The following ADAMTSL3 variants were observed in gnomAD, a reference collection of about 807,000 sequenced individuals.
The protein encoded by ADAMTSL3 is ADAMTS-like protein 3.
A neutral mutation model predicts 201.7 loss-of-function variants in ADAMTSL3; 128 were observed. That is an observed-to-expected ratio of 0.63 (90% CI 0.55 to 0.73). The LOEUF (loss-of-function observed/expected upper bound fraction) is 0.73. Ranked by LOEUF, ADAMTSL3 falls within the 30% of genes least tolerant of loss-of-function variation. The probability of loss-of-function intolerance (pLI) is 0.00; values close to 1 mark genes in which losing one functional copy is unlikely to be tolerated. For synonymous variants in ADAMTSL3, 738 were observed against 748.4 expected, an observed-to-expected ratio of 0.99 and a Z score of 0.23; for missense variants, 1,990 against 2,119.6, an observed-to-expected ratio of 0.94 and a Z score of 1.20.
intron 3 of ADAMTSL3, among the ~76,000 whole-genome samples, chr15:83,707,233 A>G (rs2061865769): frequency 6.6e-6 from 1 of 152,108 alleles, no homozygotes; most frequent in African/African-American, 2.4e-5. Context: ...TGAAATGGAG[A>G]TTTGGATGGT....
chr15:83,780,756 A>T (rs959033554), intron 4 of ADAMTSL3, among the ~76,000 whole-genome samples: 1 of 152,232 alleles, frequency 6.6e-6, no homozygotes, highest in Non-Finnish European at 1.5e-5. Flanking sequence ...TAACTTCAGC[A>T]AAGTCTCAGG....
At chr15:83,969,801 G>A (rs560315877) in intron 19 of ADAMTSL3, among the ~76,000 whole-genome samples, 12 of 152,162 alleles carry the variant, frequency 7.9e-5, no homozygotes, top group Non-Finnish European at 1.2e-4. Context: ...AGAGATCTGC[G>A]GAAAAACATA....
At chr15:83,856,387 G>A (rs1435554726) in intron 7 of ADAMTSL3, among the ~76,000 whole-genome samples, 5 of 151,772 alleles carry the variant, frequency 3.3e-5, no homozygotes, top group Non-Finnish European at 5.9e-5. Flanking sequence ...ATGTTGCCCC[G>A]ACTGGTCTCG....
At chr15:83,743,031 G>C (rs1398607006) in intron 3 of ADAMTSL3, among the ~76,000 whole-genome samples, 1 of 151,974 alleles carries the variant, frequency 6.6e-6, no homozygotes, top group Non-Finnish European at 1.5e-5. Context: ...TGAATTTTCT[G>C]TTCTGTTATT....
chr15:83,692,511 C>T (rs956126112), intron 2 of ADAMTSL3, among the ~76,000 whole-genome samples: 5 of 151,740 alleles, frequency 3.3e-5, no homozygotes, highest in Non-Finnish European at 5.9e-5. Flanking sequence ...CCGTGAAACC[C>T]TGTCTCTACT....
chr15:83,763,177 C>G (rs942034243), intron 3 of ADAMTSL3, among the ~76,000 whole-genome samples: 1 of 152,220 alleles, frequency 6.6e-6, no homozygotes, highest in Non-Finnish European at 1.5e-5. Flanking sequence ...AGGCATGAGC[C>G]ACCACACCTG....
At chr15:83,916,736 A>G (rs2066039607) in intron 16 of ADAMTSL3, among the ~76,000 whole-genome samples, 2 of 152,012 alleles carry the variant, frequency 1.3e-5, no homozygotes, top group African/African-American at 2.4e-5. Flanking sequence ...TCTTGAGGCC[A>G]GGAGTTGGAG....
chr15:83,932,057 C>T (rs1204975559), intron 17 of ADAMTSL3, among the ~76,000 whole-genome samples: 1 of 152,090 alleles, frequency 6.6e-6, no homozygotes, highest in Non-Finnish European at 1.5e-5. Flanking sequence ...TTAAAAGCTA[C>T]CACTCATGAA....
rs1426182305 is a variant in ADAMTSL3, at chr15:84,036,862, G to A, written c.4844G>A (p.Arg1615Lys). 2 of 1,614,110 alleles carry A rather than the reference G, an allele frequency of 1.2e-6. No homozygotes were observed. Among genetic ancestry groups the A allele is most frequent in the East Asian group, 4.5e-5 (2 of 44,880 alleles). Residue 1615 changes from arginine (R) to lysine (K), a missense_variant, in exon 29 of 30, where the codon AGG becomes AAG. Coordinates refer to ENST00000286744, the MANE Select transcript of ADAMTSL3 (RefSeq NM_207517.3). ...AAGCCCTGTACAGCAGCCTGTGGCA[G>A]GGGTTTCCAGTCTCGGAAAGTCGAC... ...PWKPCTAACG[R>K]GFQSRKVDCI...
rs1018930518 is a variant in ADAMTSL3, at chr15:83,821,763, CTCCCAGACGG to C, written c.600+1717_600+1726del. On this transcript the variant is annotated intron_variant, in intron 6 of 29. Transcript: ENST00000286744. ...GTTCTCAATGAGCTGTTGGGTACACCTCCCAGACGGGGTGGTGGCCGGGCAGAGGGGCTCC... is the reference window on the plus strand; with the variant it reads ...GTTCTCAATGAGCTGTTGGGTACACCGGTGGTGGCCGGGCAGAGGGGCTCC... 1.3e-3 allele frequency among the ~76,000 whole-genome samples: 199 copies of C among 152,314 alleles called. 2 individuals carry two copies. The highest frequency in any genetic ancestry group is 4.6e-3 in the African/African-American group (193 of 41,574).
chr15:83,726,753 T>C (rs1034276821), intron 3 of ADAMTSL3, among the ~76,000 whole-genome samples: 1 of 152,120 alleles, frequency 6.6e-6, no homozygotes, highest in African/African-American at 2.4e-5. Context: ...TACTAGGTCA[T>C]GATGAATAAT....
intron 23 of ADAMTSL3, among the ~76,000 whole-genome samples, chr15:84,014,285 C>G (rs575992608): frequency 6.6e-6 from 1 of 152,306 alleles, no homozygotes; most frequent in East Asian, 1.9e-4. Context: ...ACAGAGCAAT[C>G]CTACTCCTTG....
intron 9 of ADAMTSL3, among the ~76,000 whole-genome samples, chr15:83,876,954 A>C (rs1226218708): frequency 6.6e-6 from 1 of 152,180 alleles, no homozygotes; most frequent in Non-Finnish European, 1.5e-5. Context: ...CACCACACCC[A>C]GCAAGTTTTC....
chr15:83,961,736 C>CTTTTT (rs1206272113), intron 19 of ADAMTSL3: 1 of 151,904 alleles, frequency 6.6e-6, no homozygotes, highest in Non-Finnish European at 1.5e-5. Context: ...AGCTGTAGGG[C>CTTTTT]CAAGATGAGA....
chr15:83,762,448 A>G (rs760257691), intron 3 of ADAMTSL3, among the ~76,000 whole-genome samples: 8 of 152,262 alleles, frequency 5.3e-5, no homozygotes, highest in Middle Eastern at 6.8e-3. Context: ...GTATTCTCTC[A>G]TGTTCTGGAG....
intron 3 of ADAMTSL3, among the ~76,000 whole-genome samples, chr15:83,706,081 G>A (rs945160733): frequency 6.6e-6 from 1 of 152,066 alleles, no homozygotes; most frequent in Non-Finnish European, 1.5e-5. Context: ...GATTTTGAGA[G>A]GGTCTATAAT....
rs897202092 is a variant in ADAMTSL3, at chr15:83,899,878, A to G, written c.1700+147A>G. On this transcript the variant is annotated intron_variant, in intron 15 of 29. Transcript: ENST00000286744. ...CTCTAGAGAGCTTGAGCTGGCTAGA[A>G]TTTTTCTTTGTTTCACAATTCAGCA... 7 of 1,135,154 alleles carry G rather than the reference A, an allele frequency of 6.2e-6. No individual in the cohort carries two copies. The East Asian group carries it at 2.0e-4, about 32-fold the overall frequency. The allele number at this position is 1,135,154 out of a possible 1,614,324, so 70.3% of individuals were successfully genotyped here. A position where few individuals can be genotyped will look rare whatever the true frequency, so the allele number is the denominator to read the frequency against.
At chr15:83,789,321 T>C (rs976296223) in intron 4 of ADAMTSL3, among the ~76,000 whole-genome samples, 3 of 152,198 alleles carry the variant, frequency 2.0e-5, no homozygotes, top group African/African-American at 7.2e-5. Context: ...CTGTCCCTGA[T>C]TCCCAGATGC....
At chr15:83,885,569 T>C (rs773157819) in intron 10 of ADAMTSL3, among the ~76,000 whole-genome samples, 2 of 152,126 alleles carry the variant, frequency 1.3e-5, no homozygotes, top group Non-Finnish European at 2.9e-5. Flanking sequence ...AGCAGAAAGA[T>C]GGAGTGACTT....
Sources: allele counts gnomAD v4.1 joint callset (sites outside exome capture counted in the v4.1 genomes callset), GRCh38; gene constraint gnomAD v4.1.1; transcripts MANE v1.5; gene names NCBI Gene and HGNC (gene_info 2026-07-23, HGNC 2026-07-21).